STAM2: variants seen among roughly 807,000 people sequenced by gnomAD.
STAM2 encodes signal transducing adaptor molecule 2, also known as signal transducing adapter molecule 2.
STAM2 carries 51 observed loss-of-function variants against 65.6 expected under a neutral mutation model. The observed-to-expected ratio is 0.78, with a 90% CI of 0.62 to 0.98. The LOEUF is 0.98. Ranked by LOEUF, STAM2 falls within the 50% of genes least tolerant of loss-of-function variation. The probability of loss-of-function intolerance (pLI) is 0.00; values close to 1 mark genes in which losing one functional copy is unlikely to be tolerated. For synonymous variants in STAM2, 198 were observed against 208.4 expected (o/e 0.95, Z 0.43); for missense variants, 584 against 617.8 (o/e 0.95, Z 0.58).
At chr2:152,171,806 T>C (rs574131316) in intron 1 of STAM2, among the ~76,000 whole-genome samples, 3 of 152,312 alleles carry the variant, frequency 2.0e-5, no homozygotes, top group East Asian at 1.9e-4. Context: ...ATACCAAGGT[T>C]GAAAAGAGCA....
intron 1 of STAM2, 128 bp downstream of exon 1, chr2:152,175,475 G>A: frequency 8.1e-7 from 1 of 1,233,906 alleles, no homozygotes. Context: ...AGGAGCGGGC[G>A]GCACCGCCCC....
At chr2:152,132,666 G>A (rs1579314898) in intron 10 of STAM2, among the ~76,000 whole-genome samples, 1 of 90,268 alleles carries the variant, frequency 1.1e-5, no homozygotes, top group South Asian at 3.4e-4. Flanking sequence ...AAAGATTTAA[G>A]AAGAATTATT....
intron 13 of STAM2, among the ~76,000 whole-genome samples, chr2:152,122,060 ATAT>A (rs1560208274): frequency 9.0e-4 from 91 of 101,544 alleles, no homozygotes; most frequent in South Asian, 2.9e-3. Flanking sequence ...AAAAAAAAAT[ATAT>A]ATATATATAT....
intron 8 of STAM2, among the ~76,000 whole-genome samples, chr2:152,135,307 A>G (rs931295995): frequency 6.6e-6 from 1 of 152,248 alleles, no homozygotes; most frequent in Non-Finnish European, 1.5e-5. Context: ...AGGATGTAAA[A>G]TAAGAGGAAA....
intron 1 of STAM2, among the ~76,000 whole-genome samples, chr2:152,158,291 ATGG>A (rs1392925330): frequency 6.6e-6 from 1 of 152,136 alleles, no homozygotes; most frequent in Non-Finnish European, 1.5e-5. Flanking sequence ...TCTGGCCAAC[ATGG>A]TGAAGCCCCG....
chr2:152,132,202 C>T, intron 10 of STAM2, 34 bp from the exon 11 acceptor site: 1 of 1,558,686 alleles, frequency 6.4e-7, no homozygotes, highest in East Asian at 2.2e-5. Context: ...AATATAGAAA[C>T]TTAATCCAGT....
chr2:152,161,494 TAAAAAA>T (rs10714838), intron 1 of STAM2, among the ~76,000 whole-genome samples: 2 of 103,598 alleles, frequency 1.9e-5, no homozygotes, highest in African/African-American at 7.1e-5. Flanking sequence ...GAATGATCAA[TAAAAAA>T]AAAAAAAAAA....
intron 1 of STAM2, among the ~76,000 whole-genome samples, chr2:152,173,484 C>A (rs1338722306): frequency 6.6e-6 from 1 of 151,292 alleles, no homozygotes; most frequent in Admixed American, 6.6e-5. Context: ...GCAACCTCCG[C>A]CTCCCGGGTT....
intron 8 of STAM2, among the ~76,000 whole-genome samples, chr2:152,133,963 T>C (rs1258370686): frequency 6.6e-6 from 1 of 152,166 alleles, no homozygotes. Context: ...AACTATTTCC[T>C]ATATGAACAA....
chr2:152,134,066 A>G (rs549326756), intron 8 of STAM2, among the ~76,000 whole-genome samples: 1 of 152,048 alleles, frequency 6.6e-6, no homozygotes, highest in South Asian at 2.1e-4. Context: ...AAAAAAACTT[A>G]CAAATACATA....
intron 1 of STAM2, among the ~76,000 whole-genome samples, chr2:152,156,421 C>A (rs1307953344): frequency 1.3e-5 from 2 of 152,114 alleles, no homozygotes; most frequent in African/African-American, 4.8e-5. Context: ...AGAAACCATT[C>A]TTTTATAGCA....
intron 7 of STAM2, among the ~76,000 whole-genome samples, chr2:152,136,407 C>A (rs1369091627): frequency 6.6e-6 from 1 of 151,868 alleles, no homozygotes; most frequent in East Asian, 1.9e-4. Context: ...CACGTCACTG[C>A]ACTCCAGCCT....
At chr2:152,149,775 G>C (rs1247317773) in intron 2 of STAM2, among the ~76,000 whole-genome samples, 1 of 152,172 alleles carries the variant, frequency 6.6e-6, no homozygotes, top group Non-Finnish European at 1.5e-5. Context: ...TGGGATTATA[G>C]GCGTGAGCCA....
intron 1 of STAM2, among the ~76,000 whole-genome samples, chr2:152,166,890 C>G (rs1312306234): frequency 6.6e-6 from 1 of 152,146 alleles, no homozygotes. Flanking sequence ...AATTCTGAGT[C>G]ACTACAATTC....
At chr2:152,146,271 CA>C (rs201803866) in intron 5 of STAM2, among the ~76,000 whole-genome samples, 7,438 of 97,088 alleles carry the variant, frequency 0.077, 156 homozygotes, top group Non-Finnish European at 0.096. Context: ...AACTCCATCT[CA>C]AAAAAAAAAA....
At position 152,148,302 on chromosome 2, in the gene STAM2, TA is replaced by T. The variant is rs759745408; in HGVS notation, c.126-3del. On this transcript the variant is annotated splice_polypyrimidine_tract_variant and splice_region_variant and intron_variant, in intron 2 of 13. Transcript: ENST00000263904. ...ATGGCTTTTAGGCAATCTTTCGCTCTAAAAAAAAAAAGAGAGAGAGAGACAG... is the reference window on the plus strand; with the variant it reads ...ATGGCTTTTAGGCAATCTTTCGCTCTAAAAAAAAAAGAGAGAGAGAGACAG... 59,235 of 1,081,762 alleles carry T rather than the reference TA, an allele frequency of 0.055. No individual in the cohort carries two copies. The highest frequency in any genetic ancestry group is 0.09 in the South Asian group (4,648 of 51,554). The allele number at this position is 1,081,762 out of a possible 1,614,324, so 67.0% of individuals were successfully genotyped here.
rs1355392559 is a variant in STAM2 at position 152,119,250 on chromosome 2, G to T, written c.*1324C>A. On this transcript the variant is annotated 3_prime_UTR_variant, in exon 14 of 14. Transcript: ENST00000263904. ...TGAAGTAGTGTGCAAATTTTTAGGA[G>T]AGAAAACAATCCCTACTGGTTTACT... 6.6e-6 allele frequency: 1 copy of T among 152,128 alleles called. No individual in the cohort carries two copies. Among genetic ancestry groups the T allele is most frequent in the Non-Finnish European group, 1.5e-5 (1 of 67,996 alleles). The allele number at this position is 152,128 out of a possible 1,614,324, so 9.4% of individuals were successfully genotyped here.
chr2:152,150,555 G>T (rs1396268801), intron 1 of STAM2, among the ~76,000 whole-genome samples: 1 of 152,180 alleles, frequency 6.6e-6, no homozygotes. Context: ...GTAATCCCAG[G>T]CATGGGAGGC....
intron 1 of STAM2, among the ~76,000 whole-genome samples, chr2:152,168,957 A>G (rs1689848058): frequency 6.6e-6 from 1 of 152,264 alleles, no homozygotes; most frequent in Non-Finnish European, 1.5e-5. Context: ...GTGAAAATCA[A>G]AAGTTTAGTA....
Sources: allele counts gnomAD v4.1 joint callset (sites outside exome capture counted in the v4.1 genomes callset), GRCh38; gene constraint gnomAD v4.1.1; transcripts MANE v1.5; gene names NCBI Gene and HGNC (gene_info 2026-07-23, HGNC 2026-07-21).